Variants in CEP112 observed in about 807,000 individuals in gnomAD.
CEP112 encodes the protein centrosomal protein 112, also known as centrosomal protein of 112 kDa.
In CEP112, 127 loss-of-function variants were observed where a neutral mutation model predicts 153.0. The observed-to-expected ratio is 0.83, with a 90% CI of 0.72 to 0.96. The LOEUF is 0.96. Among genes scored for constraint, CEP112 ranks in the 40% least tolerant of loss-of-function variants. The pLI is 0.00. For synonymous variants in CEP112, 358 were observed against 374.4 expected (o/e 0.96, Z 0.51); for missense variants, 1,089 against 1,101.2 (o/e 0.99, Z 0.16).
At chr17:65,744,539 T>C (rs1200827063) in intron 22 of CEP112, among the ~76,000 whole-genome samples, 4 of 152,212 alleles carry the variant, frequency 2.6e-5, no homozygotes, top group Non-Finnish European at 4.4e-5. Flanking sequence ...GCCACCATGC[T>C]TGGCCACTCC....
At chr17:65,725,474 C>T (rs903667498) in intron 23 of CEP112, among the ~76,000 whole-genome samples, 17 of 152,198 alleles carry the variant, frequency 1.1e-4, no homozygotes, top group South Asian at 1.0e-3. Context: ...CGCACCACCG[C>T]GCCTGGCTAA....
chr17:65,687,465 C>T (rs1238728258), intron 24 of CEP112, among the ~76,000 whole-genome samples: 1 of 151,950 alleles, frequency 6.6e-6, no homozygotes, highest in African/African-American at 2.4e-5. Flanking sequence ...TGCGCCCGGC[C>T]TAGTTATTAT....
chr17:66,160,567 A>C (rs902078910), intron 4 of CEP112, among the ~76,000 whole-genome samples: 1 of 152,240 alleles, frequency 6.6e-6, no homozygotes, highest in Non-Finnish European at 1.5e-5. Context: ...ATCTTTGACA[A>C]ACCTGACAAA....
intron 23 of CEP112, among the ~76,000 whole-genome samples, chr17:65,692,145 G>C (rs915460764): frequency 6.6e-6 from 1 of 152,016 alleles, no homozygotes; most frequent in Non-Finnish European, 1.5e-5. Context: ...ATCTATGTTA[G>C]AGAGGATGTA....
intron 12 of CEP112, among the ~76,000 whole-genome samples, chr17:66,051,190 G>A (rs1313257813): frequency 1.3e-5 from 2 of 150,934 alleles, no homozygotes; most frequent in African/African-American, 4.9e-5. Flanking sequence ...TGTTACCCTG[G>A]ATGGTCTTGA....
chr17:65,867,842 AT>A (rs1598827978), intron 20 of CEP112, among the ~76,000 whole-genome samples: 1 of 152,184 alleles, frequency 6.6e-6, no homozygotes, highest in East Asian at 1.9e-4. Context: ...CAAGTTGGAA[AT>A]ACTGAGAGAT....
chr17:65,844,000 AAGG>A (rs1407176581), intron 21 of CEP112, among the ~76,000 whole-genome samples: 1 of 152,226 alleles, frequency 6.6e-6, no homozygotes, highest in African/African-American at 2.4e-5. Flanking sequence ...CTAAATATAA[AAGG>A]AGTTTATTAG....
At chr17:66,055,920 T>G (rs1260539036) in intron 11 of CEP112, among the ~76,000 whole-genome samples, 2 of 152,226 alleles carry the variant, frequency 1.3e-5, no homozygotes, top group African/African-American at 4.8e-5. Flanking sequence ...GTACCTGCTA[T>G]GTACCAGGCA....
intron 24 of CEP112, chr17:65,661,890 TA>T (rs1326528515): frequency 6.6e-6 from 1 of 152,162 alleles, no homozygotes; most frequent in Non-Finnish European, 1.5e-5. Context: ...TTGACATCTA[TA>T]TTTTTTTTAC....
chr17:66,008,235 C>T (rs559986727), intron 16 of CEP112, among the ~76,000 whole-genome samples: 1 of 152,190 alleles, frequency 6.6e-6, no homozygotes, highest in East Asian at 1.9e-4. Context: ...TCATATCATA[C>T]ATATACTTAT....
chr17:65,806,103 T>C (rs1427673399), intron 21 of CEP112, among the ~76,000 whole-genome samples: 1 of 152,220 alleles, frequency 6.6e-6, no homozygotes, highest in African/African-American at 2.4e-5. Context: ...ATCTTTCCAG[T>C]CTCAATTAGG....
chr17:65,767,877 T>C (rs1283714021), intron 21 of CEP112, among the ~76,000 whole-genome samples: 2 of 152,010 alleles, frequency 1.3e-5, no homozygotes, highest in Non-Finnish European at 2.9e-5. Context: ...AAGTAGTAAT[T>C]TAAAATCTCC....
At chr17:65,985,854 T>TG (rs953448765) in intron 17 of CEP112, among the ~76,000 whole-genome samples, 5 of 151,474 alleles carry the variant, frequency 3.3e-5, no homozygotes, top group South Asian at 2.1e-4. Flanking sequence ...TTTTGTTTTT[T>TG]TTTTTTTTAA....
Position 65,750,744 on chromosome 17 carries a change from G to C in CEP112, c.2395-20C>G, listed in dbSNP as rs200277391. 5.6e-6 allele frequency: 9 copies of C among 1,610,796 alleles called. No individual in the cohort carries two copies. The East Asian group carries it at 1.8e-4, about 32-fold the overall frequency. On this transcript the variant is annotated intron_variant, in intron 21 of 26. Transcript: ENST00000535342. ...GTTGGCCTGAAAAACACATGTACAT[G>C]AACACATACACAGTGACCTGTGAGC...
At chr17:65,978,873 T>C (rs2063126724) in intron 17 of CEP112, among the ~76,000 whole-genome samples, 1 of 152,204 alleles carries the variant, frequency 6.6e-6, no homozygotes, top group South Asian at 2.1e-4. Context: ...CTGACACTCA[T>C]TTAAAGCAGT....
At chr17:65,890,844 C>T (rs888686784) in intron 20 of CEP112, among the ~76,000 whole-genome samples, 2 of 152,256 alleles carry the variant, frequency 1.3e-5, no homozygotes, top group Admixed American at 1.3e-4. Context: ...TAACAATGTG[C>T]GAGCGAGGGG....
intron 23 of CEP112, among the ~76,000 whole-genome samples, chr17:65,723,320 G>A (rs2144881593): frequency 6.6e-6 from 1 of 152,310 alleles, no homozygotes; most frequent in South Asian, 2.1e-4. Flanking sequence ...AAGCCAGCTT[G>A]GAAAATAGAG....
chr17:66,027,600 T>C, intron 15 of CEP112, 40 bp from the exon 16 acceptor site: 2 of 1,133,182 alleles, frequency 1.8e-6, no homozygotes, highest in Non-Finnish European at 2.4e-6. Context: ...TACTTTAAAT[T>C]ATACTAGAGT....
chr17:66,055,368 T>C (rs1385495688), intron 11 of CEP112, among the ~76,000 whole-genome samples: 2 of 152,234 alleles, frequency 1.3e-5, no homozygotes, highest in Admixed American at 6.5e-5. Context: ...CCGAAATCCC[T>C]GATGTATCTA....
Sources: gnomAD v4.1 joint callset for allele counts (sites outside exome capture counted in the v4.1 genomes callset) on GRCh38, gnomAD v4.1.1 for gene constraint, MANE v1.5 for transcripts, NCBI Gene and HGNC (gene_info 2026-07-23, HGNC 2026-07-21) for gene names.